The following FRAS1 variants were observed in gnomAD, a reference collection of about 807,000 sequenced individuals.
FRAS1 encodes Fraser extracellular matrix complex subunit 1, also known as extracellular matrix organizing protein FRAS1.
Under a neutral mutation model 435.2 loss-of-function variants are expected in FRAS1, and 290 were observed. That is an observed-to-expected ratio of 0.67 (90% CI 0.61 to 0.73). The LOEUF is 0.73. Among genes scored for constraint, FRAS1 ranks in the 30% least tolerant of loss-of-function variants. The probability of loss-of-function intolerance (pLI) is 0.00; values close to 1 mark genes in which losing one functional copy is unlikely to be tolerated. For missense variants in FRAS1, 4,860 were observed against 5,001.5 expected, an observed-to-expected ratio of 0.97 and a Z score of 0.85; for synonymous variants, 1,800 against 1,851.0, an observed-to-expected ratio of 0.97 and a Z score of 0.71.
At position 78,252,528 on chromosome 4, in the gene FRAS1, G is replaced by T; in HGVS notation, c.446G>T (p.Cys149Phe). The T allele has an allele frequency of 1.9e-6, 3 of 1,613,686 alleles. No homozygotes were observed. The highest frequency in any genetic ancestry group is 2.5e-6 in the Non-Finnish European group (3 of 1,179,760). ...GCATTCATCCCTGAAGGAAGCTGCTGCCCAGTTTGTGTGGGCCTTGGGAGT... is the reference window on the plus strand; with the variant it reads ...GCATTCATCCCTGAAGGAAGCTGCTTCCCAGTTTGTGTGGGCCTTGGGAGT... The part of the protein sequence containing the change: ...ELAFIPEGSC[C>F]PVCVGLGKPC... The change falls in exon 5 of 74, where the codon TGC becomes TTC. Residue 149 changes from cysteine to phenylalanine, a missense_variant. Transcript: ENST00000512123.
Position 78,479,454 on chromosome 4 carries a change from T to G in FRAS1, c.8179T>G (p.Ser2727Ala), listed in dbSNP as rs1470747973. The G allele has an allele frequency of 1.2e-6, 2 of 1,604,694 alleles. No individual in the cohort carries two copies. Among genetic ancestry groups the G allele is most frequent in the Non-Finnish European group, 1.7e-6 (2 of 1,173,924 alleles). The part of the protein sequence containing the change: ...AMGSSLYALE[S>A]GSDFKSRGMS... ...GGGAAGTAGCCTCTATGCTCTAGAA[T>G]CAGGCTCTGATTTTAAATCTAGAGG... Residue 2727 changes from serine (S) to alanine (A), a missense_variant, in exon 56 of 74, where the codon TCA (serine) becomes GCA (alanine). By Grantham distance (99) the Ser-to-Ala change is moderately conservative. Coordinates refer to ENST00000512123, the MANE Select transcript of FRAS1 (RefSeq NM_025074.7).
chr4:78,113,541 C>T (rs1299635236), intron 2 of FRAS1, among the ~76,000 whole-genome samples: 1 of 152,180 alleles, frequency 6.6e-6, no homozygotes, highest in Non-Finnish European at 1.5e-5. Context: ...GAGATGGTAT[C>T]TCATTGTGGT....
chr4:78,516,016 A>G lies in FRAS1; in HGVS notation c.10389+3A>G, dbSNP rs745829997. On this transcript the variant is annotated splice_donor_region_variant and intron_variant, in intron 66 of 73. Transcript: ENST00000512123. ...GCTCTGTAACCGCTGACTTCCAGGT[A>G]GGTGCCCCGGGGCTTGTCTGAGGAC... 1 of 1,610,580 alleles carries G rather than the reference A, an allele frequency of 6.2e-7. No homozygotes were observed. Among genetic ancestry groups the G allele is most frequent in the South Asian group, 1.1e-5 (1 of 90,522 alleles).
chr4:78,275,529 G>T (rs565528711), intron 9 of FRAS1, among the ~76,000 whole-genome samples: 2 of 152,110 alleles, frequency 1.3e-5, no homozygotes, highest in African/African-American at 4.8e-5. Context: ...AAATCTCTCA[G>T]CATTTGCTTG....
At chr4:78,368,645 A>G (rs1284639294) in intron 22 of FRAS1, among the ~76,000 whole-genome samples, 2 of 152,202 alleles carry the variant, frequency 1.3e-5, no homozygotes, top group Non-Finnish European at 2.9e-5. Flanking sequence ...AAAGATACAA[A>G]TGTTAATCAA....
At chr4:78,424,470 A>C (rs369508110) in intron 35 of FRAS1, 50 bp downstream of exon 35, 2 of 929,542 alleles carry the variant, frequency 2.2e-6, no homozygotes, top group African/African-American at 1.7e-5. Flanking sequence ...TTCTTTCCTT[A>C]TTAGTTCTTT....
intron 2 of FRAS1, among the ~76,000 whole-genome samples, chr4:78,174,049 C>T (rs1442683959): frequency 6.6e-6 from 1 of 152,200 alleles, no homozygotes; most frequent in African/African-American, 2.4e-5. Context: ...CCTCTGTCTC[C>T]CGTGTTTCAA....
chr4:78,376,806 C>T (rs906215674), intron 26 of FRAS1, among the ~76,000 whole-genome samples: 1 of 152,052 alleles, frequency 6.6e-6, no homozygotes, highest in Non-Finnish European at 1.5e-5. Flanking sequence ...GCCTGGTCAA[C>T]ATGGCAAAAC....
At chr4:78,159,908 G>A (rs1307928739) in intron 2 of FRAS1, among the ~76,000 whole-genome samples, 1 of 151,970 alleles carries the variant, frequency 6.6e-6, no homozygotes, top group East Asian at 1.9e-4. Context: ...ACAAACCAAA[G>A]CCTAGAACTA....
chr4:78,138,203 G>T (rs749013669), intron 2 of FRAS1, among the ~76,000 whole-genome samples: 26 of 152,188 alleles, frequency 1.7e-4, no homozygotes, highest in Non-Finnish European at 3.4e-4. Context: ...CGTAATTTTT[G>T]CAGTTGCTCT....
At chr4:78,384,325 A>C (rs1732136214) in intron 28 of FRAS1, among the ~76,000 whole-genome samples, 182 bp downstream of exon 28, 1 of 152,212 alleles carries the variant, frequency 6.6e-6, no homozygotes, top group Non-Finnish European at 1.5e-5. Flanking sequence ...GCAGCAACCA[A>C]AATTACTAAT....
intron 14 of FRAS1, among the ~76,000 whole-genome samples, chr4:78,289,017 A>G (rs1727754744): frequency 6.6e-6 from 1 of 152,220 alleles, no homozygotes; most frequent in Non-Finnish European, 1.5e-5. Flanking sequence ...TTGCCACTTT[A>G]TTGGCCCATT....
At chr4:78,390,945 A>G (rs1732420073) in intron 29 of FRAS1, among the ~76,000 whole-genome samples, 1 of 152,240 alleles carries the variant, frequency 6.6e-6, no homozygotes, top group Non-Finnish European at 1.5e-5. Context: ...CTAGGGAGGG[A>G]TAGAAAAAGG....
At chr4:78,480,267 A>G (rs1040478648) in intron 56 of FRAS1, among the ~76,000 whole-genome samples, 1 of 151,748 alleles carries the variant, frequency 6.6e-6, no homozygotes, top group Non-Finnish European at 1.5e-5. Flanking sequence ...TCTGGTAACC[A>G]TCCTTCTACA....
intron 20 of FRAS1, among the ~76,000 whole-genome samples, chr4:78,341,568 A>C (rs1730399018): frequency 6.6e-6 from 1 of 152,178 alleles, no homozygotes; most frequent in Non-Finnish European, 1.5e-5. Flanking sequence ...AGGTTGGCTC[A>C]TCTCAGATTG....
In FRAS1 at chr4:78,482,341, G is replaced by A. The variant is rs562803936; in HGVS notation, c.8605-47G>A. The A allele has an allele frequency of 3.7e-6, 6 of 1,611,696 alleles. No individual in the cohort carries two copies. The African/African-American group carries it at 6.7e-5, about 18-fold the overall frequency. On this transcript the variant is annotated intron_variant, in intron 57 of 73. Coordinates refer to ENST00000512123, the MANE Select transcript of FRAS1 (RefSeq NM_025074.7). ...TTTGCCCTAGTCAAGGTAAATGGGT[G>A]TTAGATGGTGGGTCCTCTGTCAAGT...
intron 29 of FRAS1, among the ~76,000 whole-genome samples, chr4:78,395,481 CA>C (rs1484229956): frequency 6.6e-6 from 1 of 151,874 alleles, no homozygotes; most frequent in African/African-American, 2.4e-5. Flanking sequence ...ACCATTATTG[CA>C]ATGCTTTTTA....
chr4:78,093,337 G>T (rs924346511), intron 2 of FRAS1, among the ~76,000 whole-genome samples: 1 of 152,190 alleles, frequency 6.6e-6, no homozygotes. Context: ...AGTTAACCAG[G>T]GCTTCTAGAG....
chr4:78,391,360 A>C (rs1578293911), intron 29 of FRAS1, among the ~76,000 whole-genome samples: 1 of 152,346 alleles, frequency 6.6e-6, no homozygotes, highest in East Asian at 1.9e-4. Context: ...AGGAGGCAAA[A>C]GAATTAAAAC....
Sources: allele counts gnomAD v4.1 joint callset (sites outside exome capture counted in the v4.1 genomes callset), GRCh38; gene constraint gnomAD v4.1.1; transcripts MANE v1.5; gene names NCBI Gene and HGNC (gene_info 2026-07-23, HGNC 2026-07-21).